KIF5A: variants seen among roughly 807,000 people sequenced by gnomAD.
KIF5A encodes the protein kinesin heavy chain isoform 5A.
KIF5A carries 35 observed loss-of-function variants against 141.3 expected under a neutral mutation model. The observed-to-expected ratio is 0.25, with a 90% CI of 0.19 to 0.33. The LOEUF is 0.33. KIF5A is among the 10% of genes least tolerant of loss of function. The probability of loss-of-function intolerance (pLI) is 1.00; values close to 1 mark genes in which losing one functional copy is unlikely to be tolerated. For synonymous variants in KIF5A, 448 were observed against 500.2 expected (o/e 0.90, Z 1.39); for missense variants, 861 against 1,314.3 (o/e 0.66, Z 5.33).
In KIF5A at chr12:57,581,518, C is replaced by T; in HGVS notation, c.2859C>T (p.Asn953=). 2 of 1,614,192 alleles carry T rather than the reference C, an allele frequency of 1.2e-6. No individual in the cohort carries two copies. Among genetic ancestry groups the T allele is most frequent in the Non-Finnish European group, 1.7e-6 (2 of 1,180,044 alleles). The change falls in exon 25 of 29, where the codon AAC becomes AAT. Residue 953 remains asparagine (N), a synonymous_variant. Transcript: ENST00000455537. The stretch of plus-strand genomic sequence containing the variant: ...GTTACACCAACAGCCTCTTCCAGAA[C>T]TACCAGAATCTCTACCTGCAGGCCA... ...CISYTNSLFQ[N]YQNLYLQATP...
rs987655555 is a variant in KIF5A, at chr12:57,575,720, C to T, written c.1986C>T (p.Asp662=). The change falls in exon 17 of 29, where the codon GAC becomes GAT. Residue 662 remains aspartate, a synonymous_variant. Coordinates refer to ENST00000455537, the MANE Select transcript of KIF5A (RefSeq NM_004984.4). The part of the protein sequence containing the change: ...LKKRHLEESY[D]SLSDELAKLQ... ...AGCGGCACCTGGAAGAGTCCTATGA[C>T]TCCTTGAGCGATGAGCTGGCCAAGC... is the stretch of plus-strand genomic sequence containing the variant. 4 of 1,614,196 alleles carry T rather than the reference C, an allele frequency of 2.5e-6. No individual in the cohort carries two copies. The highest frequency in any genetic ancestry group is 2.2e-5 in the East Asian group (1 of 44,892).
At chr12:57,576,480 T>C (rs1594922921) in intron 19 of KIF5A, 102 bp downstream of exon 19, 1 of 900,902 alleles carries the variant, frequency 1.1e-6, no homozygotes, top group East Asian at 2.5e-5. Context: ...CATCCATGTG[T>C]CATTCCCTCA....
chr12:57,566,766 G>T (rs961625317), intron 6 of KIF5A, among the ~76,000 whole-genome samples: 11 of 152,050 alleles, frequency 7.2e-5, no homozygotes, highest in Admixed American at 2.6e-4. Flanking sequence ...ACAAAGCAGG[G>T]CATGGTGGCT....
chr12:57,568,449 G>C (rs1276928968), intron 8 of KIF5A, among the ~76,000 whole-genome samples: 1 of 152,026 alleles, frequency 6.6e-6, no homozygotes, highest in East Asian at 1.9e-4. Context: ...CATATGGCTG[G>C]GCACGGTGGC....
Position 57,572,337 on chromosome 12 carries a change from C to A in KIF5A, c.1569+70C>A. ...ATCTCCCATGTCGAGGGGACCTCTG[C>A]ATCCTTCCAGGGCTGTATGGTGGCT... On this transcript the variant is annotated intron_variant, in intron 14 of 28. Transcript: ENST00000455537. This position sits in a 1 kb window ranked among gnomAD's most constrained non-coding sequence, Gnocchi z 4.2. The A allele has an allele frequency of 6.7e-7, 1 of 1,486,740 alleles. No homozygotes were observed. The highest frequency in any genetic ancestry group is 9.2e-7 in the Non-Finnish European group (1 of 1,088,380). 92.1% of individuals were successfully genotyped at this position (1,486,740 alleles called of 1,614,324 possible).
At position 57,567,179 on chromosome 12, in the gene KIF5A, T is replaced by C. The variant is rs746545404; in HGVS notation, c.555T>C (p.Asp185=). The C allele has an allele frequency of 1.9e-6, 3 of 1,613,368 alleles. No individual in the cohort carries two copies. The Admixed American group carries it at 5.0e-5, about 27-fold the overall frequency. Residue 185 remains aspartate (D), a synonymous_variant, in exon 7 of 29, where the codon GAT becomes GAC. Coordinates refer to ENST00000455537, the MANE Select transcript of KIF5A (RefSeq NM_004984.4). ...SSPEEILDVI[D]EGKSNRHVAV... is the part of the protein sequence containing the mutation. The stretch of plus-strand genomic sequence containing the variant: ...CGGAGGAGATTCTGGATGTGATTGA[T>C]GAAGGGAAATCAAATCGTCATGTGG...
In KIF5A at chr12:57,571,394, T is replaced by C; in HGVS notation, c.1362+5T>C. Reference sequence around the variant, plus strand: ...CAAATGCTGGACCAGGAAGAGGTAATAGGAGGGAGGGCAGGACATGAGAGG... The same window carrying C: ...CAAATGCTGGACCAGGAAGAGGTAACAGGAGGGAGGGCAGGACATGAGAGG... On this transcript the variant is annotated splice_donor_5th_base_variant and intron_variant, in intron 13 of 28. Transcript: ENST00000455537. 1 of 1,613,248 alleles carries C rather than the reference T, an allele frequency of 6.2e-7. No individual in the cohort carries two copies. Among genetic ancestry groups the C allele is most frequent in the Non-Finnish European group, 8.5e-7 (1 of 1,179,642 alleles).
At chr12:57,566,412 GTT>G (rs1272872019) in intron 6 of KIF5A, among the ~76,000 whole-genome samples, 3 of 140,832 alleles carry the variant, frequency 2.1e-5, no homozygotes, top group East Asian at 2.1e-4. Context: ...CTGCGACAGT[GTT>G]TTTTTTTTTT....
At position 57,564,120 on chromosome 12, in the gene KIF5A, G is replaced by A. The variant is rs1171944114; in HGVS notation, c.304G>A (p.Asp102Asn). The A allele has an allele frequency of 3.1e-6, 5 of 1,613,754 alleles. No individual in the cohort carries two copies. The highest frequency in any genetic ancestry group is 3.4e-6 in the Non-Finnish European group (4 of 1,179,740). Residue 102 changes from aspartate (D) to asparagine (N), a missense_variant, in exon 4 of 29, where the codon GAC becomes AAC. Around this residue, in one of 5 missense-constraint regions of KIF5A, gnomAD observed 146 missense variants for 353.4 expected, o/e 0.41. Transcript: ENST00000455537. ...CTTCACTCGCCAGGGAAAGCTGCAC[G>A]ACCCTCAGCTGATGGGAATCATTCC... ...KTHTMEGKLH[D>N]PQLMGIIPRI... is the part of the protein sequence containing the mutation.
intron 1 of KIF5A, among the ~76,000 whole-genome samples, chr12:57,555,184 C>T (rs1441272130): frequency 1.3e-5 from 2 of 152,082 alleles, no homozygotes; most frequent in African/African-American, 4.8e-5. Flanking sequence ...GATAAGGAAC[C>T]TCCCACAACA....
At chr12:57,583,401 C>T (rs183507372) in intron 28 of KIF5A, among the ~76,000 whole-genome samples, 186 bp downstream of exon 28, 2 of 152,242 alleles carry the variant, frequency 1.3e-5, no homozygotes, top group East Asian at 3.9e-4. Context: ...GTAATCTGGA[C>T]GTTGACCTCC....
intron 1 of KIF5A, among the ~76,000 whole-genome samples, chr12:57,556,613 G>A (rs75568222): frequency 0.011 from 1,614 of 151,144 alleles, 21 homozygotes; most frequent in Middle Eastern, 0.031. Flanking sequence ...GAGCCTTCTA[G>A]ATCCTGTAAC....
intron 12 of KIF5A, among the ~76,000 whole-genome samples, 200 bp from the exon 13 acceptor site, chr12:57,571,121 A>G (rs1882241598): frequency 6.6e-6 from 1 of 152,072 alleles, no homozygotes; most frequent in South Asian, 2.1e-4. Context: ...TTTTTTGTAG[A>G]GACAGGGTCT....
chr12:57,581,737 G>A, intron 25 of KIF5A, 133 bp from the exon 26 acceptor site: 2 of 1,220,884 alleles, frequency 1.6e-6, no homozygotes, highest in Admixed American at 1.7e-5. Context: ...CTGTGGCCAT[G>A]TTTGTTTTCC....
At chr12:57,576,188 G>A in intron 18 of KIF5A, 37 bp downstream of exon 18, 1 of 1,609,950 alleles carries the variant, frequency 6.2e-7, no homozygotes. Context: ...TTGGGGCCTG[G>A]TGTGGTGAAA....
chr12:57,579,657 G>A (rs893159613), intron 23 of KIF5A, among the ~76,000 whole-genome samples: 8 of 152,092 alleles, frequency 5.3e-5, no homozygotes, highest in African/African-American at 1.9e-4. Context: ...AGGCAGATAG[G>A]AAACATTTGA....
At chr12:57,555,483 C>G (rs559932938) in intron 1 of KIF5A, among the ~76,000 whole-genome samples, 2 of 152,200 alleles carry the variant, frequency 1.3e-5, no homozygotes, top group African/African-American at 4.8e-5. Context: ...CCCAGCTACT[C>G]AGGAGGCTGA....
intron 12 of KIF5A, 29 bp from the exon 13 acceptor site, chr12:57,571,292 C>A: frequency 7.3e-7 from 1 of 1,368,416 alleles, no homozygotes; most frequent in Non-Finnish European, 1.0e-6. Context: ...AGCTTCCCTT[C>A]ACCTGTCTTT....
At position 57,572,237 on chromosome 12, in the gene KIF5A, G is replaced by C; in HGVS notation, c.1539G>C (p.Gln513His). The C allele has an allele frequency of 1.2e-6, 2 of 1,605,392 alleles. No individual in the cohort carries two copies. The highest frequency in any genetic ancestry group is 1.7e-6 in the Non-Finnish European group (2 of 1,175,768). ...QEVEEKSQQN[Q>H]LLVDELSQKV... The stretch of plus-strand genomic sequence containing the variant: ...TGGAGGAGAAGAGCCAGCAGAACCA[G>C]CTTCTGGTGGATGAGCTGTCTCAGA... The change falls in exon 14 of 29, where the codon CAG becomes CAC. Residue 513 changes from glutamine (Q) to histidine (H), a missense_variant. Transcript: ENST00000455537. The surrounding 1 kb of genome is among the most constrained non-coding windows in gnomAD (Gnocchi z 4.2).
Sources: allele counts gnomAD v4.1 joint callset (sites outside exome capture counted in the v4.1 genomes callset), GRCh38; gene constraint gnomAD v4.1.1; regional missense constraint gnomAD v4.1.1; non-coding constraint Gnocchi (gnomAD v3.1); transcripts MANE v1.5; gene names NCBI Gene and HGNC (gene_info 2026-07-23, HGNC 2026-07-21).